COMMD10: variants seen among roughly 807,000 people sequenced by gnomAD.
The protein encoded by COMMD10 is COMM domain containing 10, also known as COMM domain-containing protein 10.
In COMMD10, 33 loss-of-function variants were observed where a neutral mutation model predicts 28.9. The ratio of observed to expected loss-of-function variants is 1.14; its 90% CI spans 0.87 to 1.53. COMMD10 has a LOEUF of 1.53. COMMD10 is among the 40% of genes most tolerant of loss of function. COMMD10 has a pLI of 0.00. For synonymous variants in COMMD10, 110 were observed against 81.7 expected (o/e 1.35, Z -1.87); for missense variants, 310 against 233.4 (o/e 1.33, Z -2.14).
In COMMD10 at chr5:116,100,976, G is replaced by A. The variant is rs774579628; in HGVS notation, c.399+8276G>A. On this transcript the variant is annotated intron_variant, in intron 4 of 6. Coordinates refer to ENST00000274458, the MANE Select transcript of COMMD10 (RefSeq NM_016144.4). ...TACACATTATTTAGCTCCCACTTATGAGTAAGAATATGCAGTATTTGTCTT... is the reference window on the plus strand; with the variant it reads ...TACACATTATTTAGCTCCCACTTATAAGTAAGAATATGCAGTATTTGTCTT... 3.5e-4 allele frequency among the ~76,000 whole-genome samples: 53 copies of A among 152,234 alleles called. 1 individual carries two copies. Among genetic ancestry groups the A allele is most frequent in the Admixed American group, 1.4e-3 (21 of 15,284 alleles).
intron 5 of COMMD10, among the ~76,000 whole-genome samples, chr5:116,283,613 C>T (rs1751134616): frequency 1.3e-5 from 2 of 151,700 alleles, no homozygotes; most frequent in Non-Finnish European, 2.9e-5. Flanking sequence ...TCCCAAAGTG[C>T]TGGTATTACA....
chr5:116,109,491 G>A (rs1750969223), intron 4 of COMMD10, among the ~76,000 whole-genome samples: 1 of 152,186 alleles, frequency 6.6e-6, no homozygotes, highest in Admixed American at 6.5e-5. Flanking sequence ...CTACTTGGGA[G>A]GCTGAGGCCT....
intron 4 of COMMD10, among the ~76,000 whole-genome samples, chr5:116,107,151 T>C (rs1331624386): frequency 6.6e-6 from 1 of 152,148 alleles, no homozygotes; most frequent in East Asian, 1.9e-4. Context: ...GACGATTATG[T>C]GTCTCGGGGT....
intron 5 of COMMD10, among the ~76,000 whole-genome samples, chr5:116,268,128 A>G (rs1052861845): frequency 2.6e-5 from 4 of 151,978 alleles, no homozygotes; most frequent in African/African-American, 9.7e-5. Context: ...GAGCTTCTGC[A>G]CAGCAAAAGA....
intron 5 of COMMD10, among the ~76,000 whole-genome samples, chr5:116,177,868 A>C (rs1423078870): frequency 6.6e-6 from 1 of 151,962 alleles, no homozygotes; most frequent in Non-Finnish European, 1.5e-5. Context: ...TTCCTTATTC[A>C]TATTTTTCCT....
intron 5 of COMMD10, among the ~76,000 whole-genome samples, chr5:116,271,003 C>G (rs1168558190): frequency 6.6e-6 from 1 of 151,494 alleles, no homozygotes; most frequent in Non-Finnish European, 1.5e-5. Flanking sequence ...CTCAGTATAA[C>G]TTGGTTCATA....
chr5:116,104,558 G>A lies in COMMD10; in HGVS notation c.399+11858G>A, dbSNP rs544528766. 1.5e-3 allele frequency among the ~76,000 whole-genome samples: 227 copies of A among 152,150 alleles called. 2 individuals are homozygous for A. The highest frequency in any genetic ancestry group is 5.2e-3 in the African/African-American group (214 of 41,518). On this transcript the variant is annotated intron_variant, in intron 4 of 6. Transcript: ENST00000274458. The stretch of plus-strand genomic sequence containing the variant: ...AGGAGATTTTTGGTTGAGATGATGG[G>A]GTTTTCTAAATATACAATCATGTCA...
At chr5:116,202,751 A>C (rs1419158559) in intron 5 of COMMD10, among the ~76,000 whole-genome samples, 5 of 150,152 alleles carry the variant, frequency 3.3e-5, no homozygotes. Context: ...TTTTCTTGTA[A>C]ATTTGTTTGA....
intron 5 of COMMD10, among the ~76,000 whole-genome samples, chr5:116,222,601 CT>C (rs1749291179): frequency 1.3e-5 from 2 of 152,282 alleles, no homozygotes; most frequent in South Asian, 4.1e-4. Flanking sequence ...GAAAGATAAT[CT>C]TACAAGAAAT....
chr5:116,265,949 A>T lies in COMMD10; in HGVS notation c.511-25568A>T, dbSNP rs75497360. 5.9e-3 allele frequency among the ~76,000 whole-genome samples: 893 copies of T among 151,928 alleles called. 28 individuals are homozygous for T. Among genetic ancestry groups the T allele is most frequent in the African/African-American group, 0.02 (824 of 41,264 alleles). ...GTAATACATATTCAGAGAAAAAAAC[A>T]AAAAGAAAACAGTAAGTCAGTATGT... On this transcript the variant is annotated intron_variant, in intron 5 of 6. Transcript: ENST00000274458.
At chr5:116,264,122 A>G (rs1268650898) in intron 5 of COMMD10, among the ~76,000 whole-genome samples, 1 of 151,808 alleles carries the variant, frequency 6.6e-6, no homozygotes, top group Non-Finnish European at 1.5e-5. Context: ...CCCTAAATCA[A>G]GTCAAACTCT....
At chr5:116,220,624 A>G (rs1408525720) in intron 5 of COMMD10, among the ~76,000 whole-genome samples, 2 of 152,186 alleles carry the variant, frequency 1.3e-5, no homozygotes, top group South Asian at 4.1e-4. Context: ...CACTGGAAAA[A>G]TAATATAACT....
intron 5 of COMMD10, among the ~76,000 whole-genome samples, chr5:116,237,590 A>G (rs774688221): frequency 4.6e-5 from 7 of 152,114 alleles, no homozygotes; most frequent in Non-Finnish European, 1.0e-4. Context: ...TGGGAGGATC[A>G]CTGGAGCGCA....
chr5:116,237,752 C>G (rs1164334165), intron 5 of COMMD10, among the ~76,000 whole-genome samples: 1 of 152,044 alleles, frequency 6.6e-6, no homozygotes, highest in East Asian at 1.9e-4. Context: ...AAATTATGAG[C>G]AAAGCTCATA....
intron 5 of COMMD10, among the ~76,000 whole-genome samples, chr5:116,273,953 G>C (rs1408914393): frequency 6.6e-6 from 1 of 151,508 alleles, no homozygotes; most frequent in African/African-American, 2.4e-5. Flanking sequence ...TTCTCTTAGA[G>C]AACTTTAGAT....
At chr5:116,219,339 G>A (rs10036564) in intron 5 of COMMD10, among the ~76,000 whole-genome samples, 145,045 of 152,196 alleles carry the variant, frequency 0.95, 69,509 homozygotes, top group East Asian at 1. Flanking sequence ...TGCAGTAGGC[G>A]GAATAACAGC....
At chr5:116,242,977 T>G (rs1211791796) in intron 5 of COMMD10, among the ~76,000 whole-genome samples, 1 of 152,222 alleles carries the variant, frequency 6.6e-6, no homozygotes, top group African/African-American at 2.4e-5. Context: ...TGCTTAAATT[T>G]TCAATGCTAA....
intron 5 of COMMD10, among the ~76,000 whole-genome samples, chr5:116,214,328 T>C (rs1561670615): frequency 6.6e-6 from 1 of 152,174 alleles, no homozygotes; most frequent in Admixed American, 6.5e-5. Context: ...CTAACTACAT[T>C]AATGAGCAAA....
intron 4 of COMMD10, among the ~76,000 whole-genome samples, chr5:116,128,180 G>T (rs1015325111): frequency 6.6e-6 from 1 of 151,996 alleles, no homozygotes; most frequent in Admixed American, 6.6e-5. Flanking sequence ...AATTTGAGAT[G>T]TGCTTAGAAT....
Sources: allele counts gnomAD v4.1 joint callset (sites outside exome capture counted in the v4.1 genomes callset), GRCh38; gene constraint gnomAD v4.1.1; transcripts MANE v1.5; gene names NCBI Gene and HGNC (gene_info 2026-07-23, HGNC 2026-07-21).